Variants in CDK6 observed in about 807,000 individuals in gnomAD.
CDK6 encodes cyclin dependent kinase 6, also known as cyclin-dependent kinase 6.
Under a neutral mutation model 37.1 loss-of-function variants are expected in CDK6, and 6 were observed. The observed-to-expected ratio is 0.16, with a 90% CI of 0.09 to 0.32. The LOEUF is 0.32. CDK6 is among the 10% of genes least tolerant of loss of function. The probability of loss-of-function intolerance (pLI) is 1.00; values close to 1 mark genes in which losing one functional copy is unlikely to be tolerated. For synonymous variants in CDK6, 160 were observed against 161.3 expected (o/e 0.99, Z 0.06); for missense variants, 224 against 418.9 (o/e 0.53, Z 4.06).
chr7:92,747,110 C>A (rs1799079429), intron 3 of CDK6, among the ~76,000 whole-genome samples: 3 of 152,118 alleles, frequency 2.0e-5, no homozygotes, highest in Non-Finnish European at 4.4e-5. Context: ...TATTCCAGGC[C>A]AAATTCAACA....
At position 92,766,057 on chromosome 7, in the gene CDK6, G is replaced by C. The variant is rs188903657; in HGVS notation, c.369+8639C>G. On this transcript the variant is annotated intron_variant, in intron 3 of 7. Coordinates refer to ENST00000424848, the MANE Select transcript of CDK6 (RefSeq NM_001145306.2). Reference sequence around the variant, plus strand: ...GAGTGGAGGCAGATCAGAAAGGCAGGGGGTGGGGAGCACTAGATCATGTAG... The same window carrying C: ...GAGTGGAGGCAGATCAGAAAGGCAGCGGGTGGGGAGCACTAGATCATGTAG... Among the ~76,000 whole-genome samples the C allele has an allele frequency of 1.2e-3, 178 of 152,232 alleles. 1 individual carries two copies. Among genetic ancestry groups the C allele is most frequent in the African/African-American group, 4.1e-3 (172 of 41,552 alleles).
chr7:92,619,052 A>C (rs1795745283), intron 6 of CDK6, among the ~76,000 whole-genome samples: 1 of 152,192 alleles, frequency 6.6e-6, no homozygotes, highest in African/African-American at 2.4e-5. Flanking sequence ...AATGAGGATC[A>C]GTTATACTTT....
chr7:92,805,985 G>C (rs1800714926), intron 2 of CDK6, among the ~76,000 whole-genome samples: 1 of 152,164 alleles, frequency 6.6e-6, no homozygotes, highest in African/African-American at 2.4e-5. Context: ...TGATGAAAAA[G>C]TTCTGGAGAT....
chr7:92,694,458 C>T (rs1442665066), intron 4 of CDK6, among the ~76,000 whole-genome samples: 1 of 152,142 alleles, frequency 6.6e-6, no homozygotes, highest in Non-Finnish European at 1.5e-5. Context: ...AGAAATCAAA[C>T]TTTAACCAAG....
At chr7:92,665,083 C>T (rs1304740795) in intron 5 of CDK6, among the ~76,000 whole-genome samples, 1 of 152,154 alleles carries the variant, frequency 6.6e-6, no homozygotes, top group Non-Finnish European at 1.5e-5. Flanking sequence ...CCACGCCTGG[C>T]CGCATGTTTT....
chr7:92,625,537 A>C (rs77283770), intron 5 of CDK6, among the ~76,000 whole-genome samples: 13,402 of 150,328 alleles, frequency 0.089, 708 homozygotes, highest in Middle Eastern at 0.11. Flanking sequence ...TTTTGCAAAA[A>C]AAAACAAAAC....
chr7:92,818,316 A>G (rs1001484775), intron 2 of CDK6, among the ~76,000 whole-genome samples: 4 of 152,044 alleles, frequency 2.6e-5, no homozygotes, highest in African/African-American at 9.6e-5. Context: ...ACTAATGTTT[A>G]GCAAAGCTGC....
chr7:92,715,165 T>C (rs1798197863), intron 4 of CDK6, among the ~76,000 whole-genome samples: 1 of 152,150 alleles, frequency 6.6e-6, no homozygotes, highest in African/African-American at 2.4e-5. Flanking sequence ...AAAGTAATTA[T>C]TAAAAATCGA....
At chr7:92,684,527 G>C (rs917281679) in intron 4 of CDK6, among the ~76,000 whole-genome samples, 1 of 151,856 alleles carries the variant, frequency 6.6e-6, no homozygotes, top group South Asian at 2.1e-4. Flanking sequence ...GCCAGAAGTC[G>C]GGCACTGTGT....
intron 2 of CDK6, among the ~76,000 whole-genome samples, chr7:92,791,711 G>A (rs1800285841): frequency 1.3e-5 from 2 of 152,182 alleles, no homozygotes; most frequent in African/African-American, 4.8e-5. Context: ...AGGGGAAGTG[G>A]CTGGGGAGCT....
At chr7:92,669,779 T>G (rs969984566) in intron 5 of CDK6, among the ~76,000 whole-genome samples, 8 of 152,256 alleles carry the variant, frequency 5.3e-5, no homozygotes, top group African/African-American at 1.7e-4. Flanking sequence ...GGAGCCAGAC[T>G]TTTAAAGACT....
chr7:92,664,308 T>A (rs1357944233), intron 5 of CDK6, among the ~76,000 whole-genome samples: 2 of 152,102 alleles, frequency 1.3e-5, no homozygotes, highest in African/African-American at 4.8e-5. Context: ...CCTGAAATGA[T>A]GGGTTTCTTC....
chr7:92,780,679 T>C lies in CDK6; in HGVS notation c.234-5848A>G, dbSNP rs190433108. On this transcript the variant is annotated intron_variant, in intron 2 of 7. Coordinates refer to ENST00000424848, the MANE Select transcript of CDK6 (RefSeq NM_001145306.2). ...GGGAGGCTGAGGCAGGAGAATGGCG[T>C]GAACCTGAGAGGCAGAGCTTGCAGT... Among the ~76,000 whole-genome samples, 307 of 148,306 alleles carry C rather than the reference T, an allele frequency of 2.1e-3. 11 individuals carry two copies. In the East Asian group the frequency reaches 0.047, roughly 23 times the overall value.
At chr7:92,748,502 A>C (rs1182412294) in intron 3 of CDK6, among the ~76,000 whole-genome samples, 2 of 152,206 alleles carry the variant, frequency 1.3e-5, no homozygotes, top group Non-Finnish European at 2.9e-5. Flanking sequence ...TCCATCCTTT[A>C]TATCATAGAA....
chr7:92,718,560 C>A (rs764753592), intron 4 of CDK6, among the ~76,000 whole-genome samples: 5 of 152,270 alleles, frequency 3.3e-5, no homozygotes, highest in Admixed American at 6.5e-5. Context: ...CTTGGTGGTG[C>A]CAACTGGGTG....
At chr7:92,736,785 C>T (rs1191164932) in intron 3 of CDK6, among the ~76,000 whole-genome samples, 2 of 152,056 alleles carry the variant, frequency 1.3e-5, no homozygotes, top group Admixed American at 6.6e-5. Flanking sequence ...TTTTAGCATA[C>T]ATAATGGATG....
chr7:92,741,897 G>C (rs1798933600), intron 3 of CDK6, among the ~76,000 whole-genome samples: 1 of 152,040 alleles, frequency 6.6e-6, no homozygotes, highest in African/African-American at 2.4e-5. Context: ...AGTTATTCAG[G>C]GTTTTTTGTT....
At position 92,604,952 on chromosome 7, in the gene CDK6, A is replaced by T. The variant is rs1017394919; in HGVS notation, c.*10188T>A. On this transcript the variant is annotated 3_prime_UTR_variant, in exon 8 of 8. Coordinates refer to ENST00000424848, the MANE Select transcript of CDK6 (RefSeq NM_001145306.2). ...TAAAACTTGGAATTTAATGAATTTTACTCACTACAGTTATACTCATTTTAC... is the reference window on the plus strand; with the variant it reads ...TAAAACTTGGAATTTAATGAATTTTTCTCACTACAGTTATACTCATTTTAC... 25 of 185,136 alleles carry T rather than the reference A, an allele frequency of 1.4e-4. No homozygotes were observed. The highest frequency in any genetic ancestry group is 2.2e-4 in the Non-Finnish European group (20 of 90,522). 11.5% of individuals were successfully genotyped at this position (185,136 alleles called of 1,614,324 possible). A position where few individuals can be genotyped will look rare whatever the true frequency, so the allele number is the denominator to read the frequency against.
At chr7:92,687,801 G>T (rs1175986451) in intron 4 of CDK6, among the ~76,000 whole-genome samples, 2 of 152,118 alleles carry the variant, frequency 1.3e-5, no homozygotes, top group Non-Finnish European at 2.9e-5. Flanking sequence ...AGGTCCTCTT[G>T]TATTTTTCCT....
Sources: gnomAD v4.1 joint callset for allele counts (sites outside exome capture counted in the v4.1 genomes callset) on GRCh38, gnomAD v4.1.1 for gene constraint, MANE v1.5 for transcripts, NCBI Gene and HGNC (gene_info 2026-07-23, HGNC 2026-07-21) for gene names.